Variants in VPS13B observed in about 807,000 individuals in gnomAD.
VPS13B encodes intermembrane lipid transfer protein VPS13B.
Under a neutral mutation model 426.4 loss-of-function variants are expected in VPS13B, and 285 were observed. The ratio of observed to expected loss-of-function variants is 0.67; its 90% CI spans 0.61 to 0.74. The LOEUF is 0.74. Ranked by LOEUF, VPS13B falls within the 30% of genes least tolerant of loss-of-function variation. The pLI is 0.00. For missense variants in VPS13B, 4,537 were observed against 4,782.6 expected, an observed-to-expected ratio of 0.95 and a Z score of 1.51; for synonymous variants, 1,676 against 1,676.4, an observed-to-expected ratio of 1.00 and a Z score of 0.01.
At chr8:99,180,688 T>A (rs1588118798) in intron 16 of VPS13B, among the ~76,000 whole-genome samples, 1 of 152,104 alleles carries the variant, frequency 6.6e-6, no homozygotes, top group African/African-American at 2.4e-5. Context: ...CTGGTGCAGG[T>A]CTCAAGGTAG....
At chr8:99,854,781 T>C (rs1171182557) in intron 56 of VPS13B, among the ~76,000 whole-genome samples, 1 of 152,198 alleles carries the variant, frequency 6.6e-6, no homozygotes, top group Non-Finnish European at 1.5e-5. Flanking sequence ...TCAGAGGATT[T>C]GTGTGCTTGT....
intron 27 of VPS13B, among the ~76,000 whole-genome samples, chr8:99,503,753 A>C (rs1821355473): frequency 6.6e-6 from 1 of 152,086 alleles, no homozygotes; most frequent in Non-Finnish European, 1.5e-5. Context: ...TTGGTCTCAC[A>C]TTGTTTTCAC....
chr8:99,281,449 T>C (rs1274944933), intron 19 of VPS13B, among the ~76,000 whole-genome samples: 1 of 152,232 alleles, frequency 6.6e-6, no homozygotes, highest in Non-Finnish European at 1.5e-5. Flanking sequence ...AAGACAAGTA[T>C]CATGTCTCAT....
At chr8:99,593,412 G>C (rs773013141) in intron 33 of VPS13B, among the ~76,000 whole-genome samples, 2 of 152,022 alleles carry the variant, frequency 1.3e-5, no homozygotes. Context: ...AAAAACAACA[G>C]ATGCTTGCAA....
chr8:99,103,745 C>T (rs531669969), intron 5 of VPS13B, among the ~76,000 whole-genome samples: 2 of 152,078 alleles, frequency 1.3e-5, no homozygotes, highest in South Asian at 2.1e-4. Context: ...GTGATCCACC[C>T]GCCTCCGCCT....
At chr8:99,818,408 A>C in intron 45 of VPS13B, 43 bp from the exon 46 acceptor site, 1 of 1,552,478 alleles carries the variant, frequency 6.4e-7, no homozygotes, top group Non-Finnish European at 8.9e-7. Context: ...TAATTAGTAA[A>C]CTGCTTAGTA....
Position 99,722,592 on chromosome 8 carries a change from C to T in VPS13B, c.7050+1545C>T, listed in dbSNP as rs189634873. On this transcript the variant is annotated intron_variant, in intron 39 of 61. Coordinates refer to ENST00000357162, the MANE Select transcript of VPS13B (RefSeq NM_152564.5). ...CAAGATCTCGGCTCACTGCAAGCTCCGCCTCCTGGGTTCAGGCCATTCTCC... is the reference window on the plus strand; with the variant it reads ...CAAGATCTCGGCTCACTGCAAGCTCTGCCTCCTGGGTTCAGGCCATTCTCC... Among the ~76,000 whole-genome samples, 908 of 151,676 alleles carry T rather than the reference C, an allele frequency of 6.0e-3. 12 individuals are homozygous for T. Among genetic ancestry groups the T allele is most frequent in the African/African-American group, 0.021 (860 of 41,334 alleles).
chr8:99,521,705 C>T (rs538668938), intron 30 of VPS13B, among the ~76,000 whole-genome samples: 2 of 152,180 alleles, frequency 1.3e-5, no homozygotes, highest in East Asian at 3.8e-4. Flanking sequence ...GTGATTTATT[C>T]TTCTTGCTGG....
At chr8:99,538,595 G>T (rs1322110823) in intron 30 of VPS13B, among the ~76,000 whole-genome samples, 2 of 152,032 alleles carry the variant, frequency 1.3e-5, no homozygotes, top group African/African-American at 4.8e-5. Flanking sequence ...TGAGTATCCA[G>T]ATATTTTTGG....
At chr8:99,445,360 G>T (rs1817864021) in intron 23 of VPS13B, among the ~76,000 whole-genome samples, 1 of 149,920 alleles carries the variant, frequency 6.7e-6, no homozygotes, top group Non-Finnish European at 1.5e-5. Context: ...AGCTCCATGG[G>T]AGGTTGAGGT....
At chr8:99,724,573 C>T (rs1284759798) in intron 39 of VPS13B, among the ~76,000 whole-genome samples, 1 of 152,120 alleles carries the variant, frequency 6.6e-6, no homozygotes, top group East Asian at 1.9e-4. Context: ...CTTCAGTTTC[C>T]TCAACTGAAC....
intron 3 of VPS13B, among the ~76,000 whole-genome samples, chr8:99,095,864 A>G (rs1200038784): frequency 6.6e-6 from 1 of 152,184 alleles, no homozygotes; most frequent in African/African-American, 2.4e-5. Context: ...AAGGATTATT[A>G]AGATTAATCA....
At position 99,828,392 on chromosome 8, in the gene VPS13B, CCGTTTTTTTTTTTTTTTTTTTT is replaced by C. The variant is rs1233238035; in HGVS notation, c.9331-3976_9331-3955del. ...TTATCAGAGACTAGGATTACAACCA[CCGTTTTTTTTTTTTTTTTTTTT>C]TTTTTTTTTTTTTTTTTTTTGCTTT... On this transcript the variant is annotated intron_variant, in intron 51 of 61. Transcript: ENST00000357162. 3.4e-4 allele frequency among the ~76,000 whole-genome samples: 16 copies of C among 47,650 alleles called. 1 individual carries two copies. Among genetic ancestry groups the C allele is most frequent in the South Asian group, 2.6e-3 (3 of 1,168 alleles). 31.3% of individuals were successfully genotyped at this position (47,650 alleles called of 152,430 possible). A position where few individuals can be genotyped will look rare whatever the true frequency, so the allele number is the denominator to read the frequency against.
intron 19 of VPS13B, among the ~76,000 whole-genome samples, chr8:99,325,989 C>A (rs1353403870): frequency 2.0e-5 from 3 of 152,000 alleles, no homozygotes; most frequent in Non-Finnish European, 2.9e-5. Context: ...TCTCAATACT[C>A]CCAAAGCTGT....
intron 43 of VPS13B, among the ~76,000 whole-genome samples, chr8:99,796,266 C>CCTTG (rs1404582308): frequency 1.3e-5 from 2 of 151,704 alleles, no homozygotes; most frequent in Non-Finnish European, 2.9e-5. Flanking sequence ...AAAGCACTTT[C>CCTTG]AGTAGAGAGA....
chr8:99,803,796 T>C (rs1006811260), intron 43 of VPS13B, among the ~76,000 whole-genome samples: 1 of 152,246 alleles, frequency 6.6e-6, no homozygotes, highest in Non-Finnish European at 1.5e-5. Context: ...CTTAGACTCA[T>C]GTATTCCAAG....
chr8:99,360,353 G>A (rs1456004750), intron 19 of VPS13B, among the ~76,000 whole-genome samples: 1 of 148,550 alleles, frequency 6.7e-6, no homozygotes, highest in East Asian at 2.0e-4. Context: ...TCTCAGCTCA[G>A]TGCAAGCTCC....
chr8:99,813,058 A>G (rs914037277), intron 44 of VPS13B, among the ~76,000 whole-genome samples: 34 of 152,238 alleles, frequency 2.2e-4, no homozygotes, highest in Non-Finnish European at 4.1e-4. Flanking sequence ...TTCAAAATAA[A>G]GGCATTGTAA....
In VPS13B at chr8:99,690,013, C is replaced by G. The variant is rs1831582007; in HGVS notation, c.6047-9512C>G. ...TTTGTTTTGTTTTTGTTCTAATGATCATCTGTTAAAATTGCACCTTTTTTT... is the reference window on the plus strand; with the variant it reads ...TTTGTTTTGTTTTTGTTCTAATGATGATCTGTTAAAATTGCACCTTTTTTT... On this transcript the variant is annotated intron_variant, in intron 35 of 61. Transcript: ENST00000357162. 2.6e-5 allele frequency among the ~76,000 whole-genome samples: 4 copies of G among 152,244 alleles called. No homozygotes were observed. In the South Asian group the frequency reaches 8.3e-4, roughly 32 times the overall value.
Sources: gnomAD v4.1 joint callset for allele counts (sites outside exome capture counted in the v4.1 genomes callset) on GRCh38, gnomAD v4.1.1 for gene constraint, MANE v1.5 for transcripts, NCBI Gene and HGNC (gene_info 2026-07-23, HGNC 2026-07-21) for gene names.